The following NTM variants were observed in gnomAD, a reference collection of about 807,000 sequenced individuals.
The protein encoded by NTM is neurotrimin, also known as IgLON family member 2.
Under a neutral mutation model 42.1 loss-of-function variants are expected in NTM, and 13 were observed. That is an observed-to-expected ratio of 0.31 (90% CI 0.20 to 0.49). The LOEUF (loss-of-function observed/expected upper bound fraction) is 0.49, where lower values mean the gene tolerates loss of function less well. NTM is among the 20% of genes least tolerant of loss of function. The pLI is 0.99. For synonymous variants in NTM, 187 were observed against 179.2 expected (o/e 1.04, Z -0.35); for missense variants, 373 against 452.8 (o/e 0.82, Z 1.60).
chr11:131,569,081 G>T (rs541869190), intron 1 of NTM, among the ~76,000 whole-genome samples: 1 of 151,762 alleles, frequency 6.6e-6, no homozygotes, highest in East Asian at 1.9e-4. Flanking sequence ...GAATCCTACC[G>T]TTGCTCCAGT....
chr11:132,307,822 C>G lies in NTM; in HGVS notation c.660C>G (p.Asn220Lys). ...TACGGAGAGTAAAGGTCACCGTGAA[C>G]TGTAAGTGTTCTCACCACCACGCGC... is the stretch of plus-strand genomic sequence containing the variant. The part of the protein sequence containing the change: ...PVVRRVKVTV[N>K]YPPYISEAKG... Residue 220 changes from asparagine (N) to lysine (K), a missense_variant and splice_region_variant, in exon 5 of 9, where the codon AAC becomes AAG. Physicochemically the swap from Asn to Lys is moderately conservative, Grantham distance 94 (BLOSUM62 0). Around this residue, in one of 3 missense-constraint regions of NTM, gnomAD observed 312 missense variants for 353.5 expected, o/e 0.88. Transcript: ENST00000683400. The G allele has an allele frequency of 6.2e-7, 1 of 1,614,060 alleles. No homozygotes were observed. Among genetic ancestry groups the G allele is most frequent in the Non-Finnish European group, 8.5e-7 (1 of 1,179,972 alleles).
At chr11:132,186,592 G>C (rs2078436922) in intron 3 of NTM, among the ~76,000 whole-genome samples, 1 of 152,072 alleles carries the variant, frequency 6.6e-6, no homozygotes, top group Non-Finnish European at 1.5e-5. Flanking sequence ...TTAATGTTTT[G>C]TTTTGTTTTG....
At chr11:131,571,080 TTA>T (rs2137085897) in intron 1 of NTM, among the ~76,000 whole-genome samples, 1 of 152,354 alleles carries the variant, frequency 6.6e-6, no homozygotes, top group Non-Finnish European at 1.5e-5. Flanking sequence ...GGCAAGTCAC[TTA>T]GCTGCTCTGT....
At chr11:132,211,243 AATAAAC>A (rs1300617801) in intron 3 of NTM, among the ~76,000 whole-genome samples, 3 of 152,208 alleles carry the variant, frequency 2.0e-5, no homozygotes, top group Non-Finnish European at 2.9e-5. Context: ...TCTCTACAAG[AATAAAC>A]ATAAACATTA....
chr11:131,460,518 C>T (rs182028553), intron 1 of NTM, among the ~76,000 whole-genome samples: 8 of 152,120 alleles, frequency 5.3e-5, no homozygotes, highest in African/African-American at 9.7e-5. Flanking sequence ...ATACTATGCT[C>T]GATTCATCAC....
chr11:132,042,590 G>A (rs1043173237), intron 2 of NTM, among the ~76,000 whole-genome samples: 2 of 152,142 alleles, frequency 1.3e-5, no homozygotes, highest in Non-Finnish European at 2.9e-5. Flanking sequence ...GCCATTGTCT[G>A]CCTCCAAGAA....
At chr11:132,124,336 T>A (rs1452177986) in intron 2 of NTM, among the ~76,000 whole-genome samples, 1 of 152,198 alleles carries the variant, frequency 6.6e-6, no homozygotes, top group Non-Finnish European at 1.5e-5. Flanking sequence ...GGTGGTTTTG[T>A]GAGTGCTCTC....
intron 3 of NTM, among the ~76,000 whole-genome samples, chr11:132,162,127 T>C (rs897794217): frequency 4.6e-5 from 7 of 151,952 alleles, no homozygotes; most frequent in African/African-American, 1.7e-4. Flanking sequence ...TGTGTAAGTG[T>C]GCATACTTTG....
intron 1 of NTM, among the ~76,000 whole-genome samples, chr11:131,387,801 C>T (rs1216805471): frequency 6.6e-6 from 1 of 152,042 alleles, no homozygotes; most frequent in African/African-American, 2.4e-5. Flanking sequence ...GAAACCCACT[C>T]CCCCCTTAAA....
chr11:131,688,845 C>T (rs559742427), intron 1 of NTM, among the ~76,000 whole-genome samples: 2 of 152,334 alleles, frequency 1.3e-5, no homozygotes, highest in East Asian at 3.9e-4. Context: ...ATCTTGCAGA[C>T]CAATGGGCAG....
intron 1 of NTM, among the ~76,000 whole-genome samples, chr11:131,525,362 G>A (rs1487412981): frequency 2.6e-5 from 4 of 152,228 alleles, no homozygotes; most frequent in Non-Finnish European, 5.9e-5. Context: ...TTGAATGTCA[G>A]CTGCTGTTGA....
At position 132,314,577 on chromosome 11, in the gene NTM, A is replaced by G; in HGVS notation, c.808A>G (p.Lys270Glu). The G allele has an allele frequency of 6.2e-7, 1 of 1,613,276 alleles. No individual in the cohort carries two copies. Reference sequence around the variant, plus strand: ...ACTGATTGAAGGAAAGAAAGGGGTGAAAGTGGAAAACAGACCTTTCCTCTC... The same window carrying G: ...ACTGATTGAAGGAAAGAAAGGGGTGGAAGTGGAAAACAGACCTTTCCTCTC... ...KRLIEGKKGV[K>E]VENRPFLSKL... The change falls in exon 7 of 9, where the codon AAA becomes GAA. Residue 270 changes from lysine (K) to glutamate (E), a missense_variant. By Grantham distance (56) the Lys-to-Glu change is moderately conservative (BLOSUM62 1). Transcript: ENST00000683400.
intron 1 of NTM, among the ~76,000 whole-genome samples, chr11:131,486,469 C>T (rs971541776): frequency 1.3e-5 from 2 of 152,182 alleles, no homozygotes; most frequent in African/African-American, 4.8e-5. Context: ...AGTGAGGATG[C>T]TCTTCAATGG....
intron 2 of NTM, among the ~76,000 whole-genome samples, chr11:131,971,622 T>G (rs2063540494): frequency 6.6e-6 from 1 of 152,118 alleles, no homozygotes; most frequent in Non-Finnish European, 1.5e-5. Context: ...GTCCAAATCT[T>G]AACTCTGCCT....
At chr11:132,039,466 AG>A (rs1283214691) in intron 2 of NTM, among the ~76,000 whole-genome samples, 1 of 146,256 alleles carries the variant, frequency 6.8e-6, no homozygotes, top group Admixed American at 7.0e-5. Context: ...AATGATGCTC[AG>A]GCTGGCCTTA....
intron 7 of NTM, among the ~76,000 whole-genome samples, chr11:132,319,922 C>T (rs749609140): frequency 3.3e-5 from 5 of 152,198 alleles, no homozygotes; most frequent in Non-Finnish European, 7.3e-5. Context: ...GACAAACTTC[C>T]AGAGGAACAA....
At chr11:132,126,512 C>T (rs543692559) in intron 2 of NTM, among the ~76,000 whole-genome samples, 2 of 152,074 alleles carry the variant, frequency 1.3e-5, no homozygotes, top group East Asian at 3.9e-4. Flanking sequence ...TGGCAGTGTG[C>T]GGGGACTTCG....
intron 1 of NTM, among the ~76,000 whole-genome samples, chr11:131,578,908 C>T (rs2058158379): frequency 6.6e-6 from 1 of 152,072 alleles, no homozygotes; most frequent in African/African-American, 2.4e-5. Context: ...GCAGGAGGTT[C>T]ACAAGGCCTG....
intron 2 of NTM, among the ~76,000 whole-genome samples, chr11:132,116,977 T>C (rs1302137130): frequency 6.6e-6 from 1 of 152,188 alleles, no homozygotes; most frequent in Non-Finnish European, 1.5e-5. Context: ...CAGAGCTTCT[T>C]ATGCTAATAT....
Sources: allele counts gnomAD v4.1 joint callset (sites outside exome capture counted in the v4.1 genomes callset), GRCh38; gene constraint gnomAD v4.1.1; regional missense constraint gnomAD v4.1.1; transcripts MANE v1.5; gene names NCBI Gene and HGNC (gene_info 2026-07-23, HGNC 2026-07-21).